EDARADD: variants seen among roughly 807,000 people sequenced by gnomAD.
The protein encoded by EDARADD is EDAR associated via death domain.
In EDARADD, 20 loss-of-function variants were observed where a neutral mutation model predicts 25.6. The observed-to-expected ratio is 0.78, with a 90% CI of 0.55 to 1.14. EDARADD has a LOEUF of 1.14. Among genes scored for constraint, EDARADD ranks in the 50% most tolerant of loss-of-function variants. The pLI is 0.00. For synonymous variants in EDARADD, 86 were observed against 94.4 expected, an observed-to-expected ratio of 0.91 and a Z score of 0.52; for missense variants, 225 against 270.1, an observed-to-expected ratio of 0.83 and a Z score of 1.17.
At chr1:236,428,632 A>G (rs1165178130) in intron 4 of EDARADD, among the ~76,000 whole-genome samples, 1 of 139,732 alleles carries the variant, frequency 7.2e-6, no homozygotes, top group Non-Finnish European at 1.6e-5. Context: ...CCGGGCGGAG[A>G]CGCTCCTCAC....
At chr1:236,351,378 C>G (rs566693761) in intron 3 of EDARADD, among the ~76,000 whole-genome samples, 3 of 152,132 alleles carry the variant, frequency 2.0e-5, no homozygotes, top group Admixed American at 2.0e-4. Flanking sequence ...GGACCTTGAC[C>G]GTGGCCGGTG....
At chr1:236,383,586 A>G (rs1017451667) in intron 3 of EDARADD, among the ~76,000 whole-genome samples, 1 of 152,124 alleles carries the variant, frequency 6.6e-6, no homozygotes, top group Non-Finnish European at 1.5e-5. Flanking sequence ...CTGTTACTCT[A>G]TCTTGGTTGC....
At chr1:236,422,834 A>G (rs553458896) in intron 3 of EDARADD, among the ~76,000 whole-genome samples, 1 of 152,200 alleles carries the variant, frequency 6.6e-6, no homozygotes, top group Non-Finnish European at 1.5e-5. Flanking sequence ...TGTATCAAGG[A>G]GGCCTTGGTA....
chr1:236,448,899 A>G (rs1000230159), intron 4 of EDARADD, among the ~76,000 whole-genome samples: 1 of 152,242 alleles, frequency 6.6e-6, no homozygotes, highest in Admixed American at 6.5e-5. Context: ...AGCAACTGAC[A>G]TAACCATGTG....
chr1:236,435,602 AAGTG>A (rs760069818), intron 4 of EDARADD, among the ~76,000 whole-genome samples: 40 of 152,372 alleles, frequency 2.6e-4, no homozygotes, highest in Admixed American at 1.6e-3. Flanking sequence ...AAGAGTTAAG[AAGTG>A]AGTATGAGAA....
At chr1:236,432,936 A>AG (rs1658145979) in intron 4 of EDARADD, among the ~76,000 whole-genome samples, 1 of 151,562 alleles carries the variant, frequency 6.6e-6, no homozygotes, top group South Asian at 2.1e-4. Context: ...TCAAAAAAAA[A>AG]AAAAGAAAGA....
At chr1:236,482,130 A>G in intron 5 of EDARADD, 137 bp from the exon 6 acceptor site, 1 of 1,078,454 alleles carries the variant, frequency 9.3e-7, no homozygotes. Flanking sequence ...AAAAAAAAAA[A>G]AGAAAGAAAC....
rs527820416 is a variant in EDARADD, at chr1:236,403,250, C to T, written c.62-5966C>T. ...GGATTACGGGCGTGAGCCACCTGTT[C>T]GAACTTTTCTAAGTGAGAGCTTTGA... is the stretch of plus-strand genomic sequence containing the variant. On this transcript the variant is annotated intron_variant, in intron 1 of 5. Coordinates refer to ENST00000334232, the MANE Select transcript of EDARADD (RefSeq NM_145861.4). 6.6e-5 allele frequency among the ~76,000 whole-genome samples: 10 copies of T among 151,948 alleles called. No homozygotes were observed. The South Asian group carries it at 1.0e-3, about 16-fold the overall frequency.
rs184482132 is a variant in EDARADD at position 236,417,635 on chromosome 1, C to T, written c.160+3336C>T. 2.7e-3 allele frequency among the ~76,000 whole-genome samples: 406 copies of T among 152,190 alleles called. 3 individuals are homozygous for T. The highest frequency in any genetic ancestry group is 3.4e-3 in the Middle Eastern group (1 of 294). Reference sequence around the variant, plus strand: ...TGGCTGTTCTGTGAGTCTGCGGGTACTAAGAACTGGTGAGATTGAGGTTTA... The same window carrying T: ...TGGCTGTTCTGTGAGTCTGCGGGTATTAAGAACTGGTGAGATTGAGGTTTA... On this transcript the variant is annotated intron_variant, in intron 3 of 5. Coordinates refer to ENST00000334232, the MANE Select transcript of EDARADD (RefSeq NM_145861.4).
chr1:236,379,703 C>T (rs539241943), intron 3 of EDARADD, among the ~76,000 whole-genome samples: 148 of 152,048 alleles, frequency 9.7e-4, no homozygotes, highest in African/African-American at 3.4e-3. Flanking sequence ...CACTTGAACC[C>T]CGGGGGGTGG....
At chr1:236,362,690 G>T (rs1667063537) in intron 3 of EDARADD, among the ~76,000 whole-genome samples, 1 of 151,970 alleles carries the variant, frequency 6.6e-6, no homozygotes, top group South Asian at 2.1e-4. Flanking sequence ...GGATTTATTA[G>T]ATCTAGAATC....
At chr1:236,408,358 A>G (rs1667774544) in intron 1 of EDARADD, among the ~76,000 whole-genome samples, 1 of 151,968 alleles carries the variant, frequency 6.6e-6, no homozygotes, top group African/African-American at 2.4e-5. Flanking sequence ...GTGCACCACT[A>G]TGCGAGGCTA....
At chr1:236,349,097 A>T (rs1350744857) in intron 2 of EDARADD, 1 of 152,052 alleles carries the variant, frequency 6.6e-6, no homozygotes, top group Non-Finnish European at 1.5e-5. Flanking sequence ...CCCAGACTAG[A>T]TTCAAACTCC....
intron 4 of EDARADD, among the ~76,000 whole-genome samples, chr1:236,461,151 A>G (rs1659028237): frequency 1.3e-5 from 2 of 152,146 alleles, no homozygotes; most frequent in South Asian, 2.1e-4. Flanking sequence ...CTAAATCCAT[A>G]TGCTGTGAAT....
chr1:236,437,953 G>A (rs1415176303), intron 4 of EDARADD, among the ~76,000 whole-genome samples: 1 of 151,992 alleles, frequency 6.6e-6, no homozygotes, highest in Non-Finnish European at 1.5e-5. Context: ...TCACCCTGTT[G>A]GCTAGGCTGG....
At chr1:236,450,658 C>G (rs1658686977) in intron 4 of EDARADD, among the ~76,000 whole-genome samples, 1 of 149,570 alleles carries the variant, frequency 6.7e-6, no homozygotes, top group African/African-American at 2.5e-5. Context: ...AAGCGATTCT[C>G]CTGCCTCAGC....
chr1:236,477,063 A>AAG (rs1659529482), intron 5 of EDARADD, among the ~76,000 whole-genome samples: 1 of 151,928 alleles, frequency 6.6e-6, no homozygotes, highest in African/African-American at 2.4e-5. Flanking sequence ...GCAAAAAAAA[A>AAG]AAAAAGAAAA....
chr1:236,467,422 ACG>A (rs1553270554), intron 4 of EDARADD, among the ~76,000 whole-genome samples: 15,206 of 113,582 alleles, frequency 0.13, 1,600 homozygotes, highest in African/African-American at 0.32. Flanking sequence ...AAGCACACAC[ACG>A]CGCACACACA....
At chr1:236,455,134 C>T (rs1039374362) in intron 4 of EDARADD, among the ~76,000 whole-genome samples, 9 of 152,114 alleles carry the variant, frequency 5.9e-5, no homozygotes, top group East Asian at 3.9e-4. Flanking sequence ...CGCTTAAACC[C>T]GTGAGGCGGA....
Sources: gnomAD v4.1 joint callset for allele counts (sites outside exome capture counted in the v4.1 genomes callset) on GRCh38, gnomAD v4.1.1 for gene constraint, MANE v1.5 for transcripts, NCBI Gene and HGNC (gene_info 2026-07-23, HGNC 2026-07-21) for gene names.